CDON: variants seen among roughly 807,000 people sequenced by gnomAD.
CDON encodes the protein cell adhesion molecule-related/down-regulated by oncogenes.
In CDON, 73 loss-of-function variants were observed where a neutral mutation model predicts 120.9. The observed-to-expected ratio is 0.60, with a 90% CI of 0.50 to 0.73. CDON has a LOEUF of 0.73. Among genes scored for constraint, CDON ranks in the 30% least tolerant of loss-of-function variants. The pLI is 0.00. For synonymous variants in CDON, 566 were observed against 573.5 expected (o/e 0.99, Z 0.19); for missense variants, 1,470 against 1,587.3 (o/e 0.93, Z 1.26).
In CDON at chr11:125,992,981, A is replaced by G. The variant is rs190376798; in HGVS notation, c.2650+1303T>C. ...CACTGAGAAGCGGGCATTCAGCTTC[A>G]ATTGAGCACTTCCAACATTAGGGAG... On this transcript the variant is annotated intron_variant, in intron 14 of 19. Coordinates refer to ENST00000531738, the MANE Select transcript of CDON (RefSeq NM_001378964.1). Among the ~76,000 whole-genome samples, 8 of 152,330 alleles carry G rather than the reference A, an allele frequency of 5.3e-5. No homozygotes were observed. In the South Asian group the frequency reaches 1.7e-3, roughly 32 times the overall value.
chr11:126,044,281 C>T (rs967481609), intron 1 of CDON, among the ~76,000 whole-genome samples: 2 of 152,152 alleles, frequency 1.3e-5, no homozygotes, highest in African/African-American at 4.8e-5. Flanking sequence ...TATTATATAT[C>T]GGGGAGTACT....
At chr11:126,052,516 G>GAAAATA (rs1168334368) in intron 1 of CDON, among the ~76,000 whole-genome samples, 2 of 152,088 alleles carry the variant, frequency 1.3e-5, no homozygotes, top group Non-Finnish European at 2.9e-5. Context: ...AAAATATTTG[G>GAAAATA]AAAATAAAAA....
intron 18 of CDON, among the ~76,000 whole-genome samples, chr11:125,971,186 A>G (rs1488856828): frequency 2.0e-5 from 3 of 152,138 alleles, no homozygotes; most frequent in South Asian, 2.1e-4. Flanking sequence ...GACCAAGACC[A>G]TCCTGGCTAA....
In CDON at chr11:126,005,862, A is replaced by C. The variant is rs1207635656; in HGVS notation, c.1748T>G (p.Leu583Arg). Residue 583 changes from leucine to arginine, a missense_variant, in exon 9 of 20, where the codon CTG (leucine) becomes CGG (arginine). Coordinates refer to ENST00000531738, the MANE Select transcript of CDON (RefSeq NM_001378964.1). ...GISVPDAPII[L>R]SPPQTHTPDT... ...TGGTGTGTGGGTCTGTGGGGGGCTC[A>C]GTATGATGGGGGCATCAGGAACAGA... The C allele has an allele frequency of 3.1e-6, 5 of 1,614,044 alleles. 1 individual carries two copies. In the Admixed American group the frequency reaches 8.3e-5, roughly 27 times the overall value.
rs983834502 is a variant in CDON at position 125,958,710 on chromosome 11, T to C, written c.*2232A>G. The C allele has an allele frequency of 2.6e-5, 4 of 152,450 alleles. No homozygotes were observed. Among genetic ancestry groups the C allele is most frequent in the Admixed American group, 6.6e-5 (1 of 15,246 alleles). The allele number at this position is 152,450 out of a possible 1,614,324, so 9.4% of individuals were successfully genotyped here. ...ATAATATAAATAAAGCAGTCCACAA[T>C]GAGATTGTCCTAAAGGTAAAGCCAT... On this transcript the variant is annotated 3_prime_UTR_variant, in exon 20 of 20. Coordinates refer to ENST00000531738, the MANE Select transcript of CDON (RefSeq NM_001378964.1).
chr11:126,003,834 A>G, intron 10 of CDON, 68 bp downstream of exon 10: 6 of 1,417,888 alleles, frequency 4.2e-6, no homozygotes, highest in Non-Finnish European at 6.0e-6. Flanking sequence ...AAAATAAATT[A>G]ATAATTCTCA....
At chr11:126,031,627 A>G (rs1473826923) in intron 1 of CDON, among the ~76,000 whole-genome samples, 2 of 152,212 alleles carry the variant, frequency 1.3e-5, no homozygotes, top group Non-Finnish European at 2.9e-5. Context: ...AGATTCCACT[A>G]ATTAGTGAGA....
chr11:126,013,146 G>A (rs1947354418), intron 7 of CDON, among the ~76,000 whole-genome samples: 1 of 152,056 alleles, frequency 6.6e-6, no homozygotes, highest in African/African-American at 2.4e-5. Context: ...CAATAAATAG[G>A]GTGAATGACA....
At chr11:126,025,436 C>T (rs570404335) in intron 1 of CDON, among the ~76,000 whole-genome samples, 5 of 152,232 alleles carry the variant, frequency 3.3e-5, no homozygotes, top group Admixed American at 1.3e-4. Flanking sequence ...CAGACACAGA[C>T]ACTTCCTTCC....
intron 1 of CDON, among the ~76,000 whole-genome samples, chr11:126,033,545 C>A (rs1948007635): frequency 6.6e-6 from 1 of 152,046 alleles, no homozygotes; most frequent in South Asian, 2.1e-4. Context: ...AAATGATATT[C>A]CAGGGATGGA....
chr11:126,062,399 C>T (rs551770385), intron 1 of CDON, among the ~76,000 whole-genome samples, 180 bp downstream of exon 1: 1 of 151,678 alleles, frequency 6.6e-6, no homozygotes, highest in Non-Finnish European at 1.5e-5. Flanking sequence ...CGCCGGGGCT[C>T]CCCGCCGGGC....
intron 17 of CDON, among the ~76,000 whole-genome samples, chr11:125,979,632 T>C (rs1262005842): frequency 6.6e-6 from 1 of 152,164 alleles, no homozygotes; most frequent in African/African-American, 2.4e-5. Context: ...TAAATAGAAA[T>C]TCATTGTTCA....
chr11:125,973,018 CTTTTTTTTTTTTT>C (rs35828939), intron 18 of CDON, among the ~76,000 whole-genome samples: 2 of 87,070 alleles, frequency 2.3e-5, no homozygotes, highest in African/African-American at 8.1e-5. Flanking sequence ...ATTACTTGGT[CTTTTTTTTTTTTT>C]TTTTTTTTTT....
intron 1 of CDON, among the ~76,000 whole-genome samples, chr11:126,051,643 AT>A (rs1338320658): frequency 1.4e-5 from 2 of 141,272 alleles, no homozygotes; most frequent in African/African-American, 5.4e-5. Context: ...AACAATAGCT[AT>A]TTTTTTTCTT....
At chr11:126,017,437 C>T in intron 5 of CDON, 62 bp from the exon 6 acceptor site, 1 of 1,513,760 alleles carries the variant, frequency 6.6e-7, no homozygotes, top group Non-Finnish European at 9.1e-7. Flanking sequence ...TCTTGCTTAG[C>T]AAACCTGTGG....
chr11:126,009,317 C>T (rs1947223856), intron 8 of CDON, among the ~76,000 whole-genome samples: 1 of 152,242 alleles, frequency 6.6e-6, no homozygotes, highest in Non-Finnish European at 1.5e-5. Context: ...TTTCAACCAT[C>T]ACTCCTCTGC....
chr11:126,033,029 A>C (rs543484452), intron 1 of CDON, among the ~76,000 whole-genome samples: 2 of 152,292 alleles, frequency 1.3e-5, no homozygotes, highest in East Asian at 3.9e-4. Context: ...TTGATAATGA[A>C]TGAGTTGGAC....
At position 126,008,372 on chromosome 11, in the gene CDON, G is replaced by A. The variant is rs539319354; in HGVS notation, c.1552+1969C>T. Among the ~76,000 whole-genome samples, 13 of 152,072 alleles carry A rather than the reference G, an allele frequency of 8.5e-5. No individual in the cohort carries two copies. In the East Asian group the frequency reaches 2.1e-3, roughly 25 times the overall value. On this transcript the variant is annotated intron_variant, in intron 8 of 19. Coordinates refer to ENST00000531738, the MANE Select transcript of CDON (RefSeq NM_001378964.1). ...TATTGTTTTGAGTTTTAATAAACTC[G>A]GTTGGATCTTAATAATTATACTAGA...
intron 1 of CDON, among the ~76,000 whole-genome samples, chr11:126,056,942 G>A (rs1394090864): frequency 6.6e-6 from 1 of 152,156 alleles, no homozygotes; most frequent in Non-Finnish European, 1.5e-5. Context: ...TGCTGGACTG[G>A]TGGTTACTTC....
Sources: allele counts gnomAD v4.1 joint callset (sites outside exome capture counted in the v4.1 genomes callset), GRCh38; gene constraint gnomAD v4.1.1; transcripts MANE v1.5; gene names NCBI Gene and HGNC (gene_info 2026-07-23, HGNC 2026-07-21).